PAQR5: variants seen among roughly 807,000 people sequenced by gnomAD.
PAQR5 encodes the protein progestin and adipoQ receptor family member 5.
In PAQR5, 20 loss-of-function variants were observed where a neutral mutation model predicts 34.5. That is an observed-to-expected ratio of 0.58 (90% CI 0.41 to 0.84). The LOEUF is 0.84. Ranked by LOEUF, PAQR5 falls within the 40% of genes least tolerant of loss-of-function variation. The pLI, the probability that PAQR5 is intolerant of heterozygous loss-of-function variation, is 0.00. For missense variants in PAQR5, 378 were observed against 412.7 expected, an observed-to-expected ratio of 0.92 and a Z score of 0.73; for synonymous variants, 131 against 155.6, an observed-to-expected ratio of 0.84 and a Z score of 1.18.
At chr15:69,378,264 T>TAAAAAAAAAAAAAAAA (rs71149912) in intron 3 of PAQR5, among the ~76,000 whole-genome samples, 4 of 59,684 alleles carry the variant, frequency 6.7e-5, no homozygotes, top group African/African-American at 3.4e-4. Flanking sequence ...GACTCCATCT[T>TAAAAAAAAAAAAAAAA]AAAAAAAAAA....
chr15:69,335,765 G>A (rs751049371), intron 1 of PAQR5, among the ~76,000 whole-genome samples: 2 of 151,834 alleles, frequency 1.3e-5, no homozygotes, highest in African/African-American at 2.4e-5. Flanking sequence ...CTGTGTGTCC[G>A]AATAACAGGG....
intron 1 of PAQR5, among the ~76,000 whole-genome samples, chr15:69,329,904 A>G (rs1490073057): frequency 6.6e-6 from 1 of 152,220 alleles, no homozygotes; most frequent in South Asian, 2.1e-4. Flanking sequence ...TACCACTGGC[A>G]TTGATTCAGG....
At chr15:69,347,356 C>T (rs1395418213) in intron 2 of PAQR5, among the ~76,000 whole-genome samples, 1 of 152,168 alleles carries the variant, frequency 6.6e-6, no homozygotes, top group African/African-American at 2.4e-5. Flanking sequence ...TATAAACATT[C>T]TGTATTTTCC....
At chr15:69,382,781 TATATATATATATATATG>T (rs2055939839) in intron 4 of PAQR5, 1 of 2,148 alleles carries the variant, frequency 4.7e-4, no homozygotes, top group African/African-American at 1.0e-3. Context: ...TGTGACCATA[TATATATATATATATATG>T]ACCATATATA....
intron 3 of PAQR5, among the ~76,000 whole-genome samples, chr15:69,364,680 C>T (rs1489374357): frequency 6.6e-6 from 1 of 151,230 alleles, no homozygotes; most frequent in African/African-American, 2.4e-5. Flanking sequence ...ATCTTTTCAT[C>T]TTTATCAGAT....
intron 3 of PAQR5, among the ~76,000 whole-genome samples, chr15:69,372,488 A>G (rs753945800): frequency 1.3e-5 from 2 of 152,182 alleles, no homozygotes; most frequent in Non-Finnish European, 2.9e-5. Context: ...GGTTGCAGTG[A>G]GCCAAGATCG....
Position 69,367,508 on chromosome 15 carries a change from A to G in PAQR5, c.51+7377A>G, listed in dbSNP as rs528731312. Among the ~76,000 whole-genome samples the G allele has an allele frequency of 3.3e-5, 5 of 152,282 alleles. No homozygotes were observed. In the South Asian group the frequency reaches 1.0e-3, roughly 32 times the overall value. On this transcript the variant is annotated intron_variant, in intron 3 of 8. Transcript: ENST00000395407. ...GCTAAGTGGTCAGTGAGGGACTGAG[A>G]CACCCAGGCAGCCATCTCCTGGCTG... is the stretch of plus-strand genomic sequence containing the variant.
Position 69,403,827 on chromosome 15 carries a change from G to A in PAQR5, c.*5G>A. 1 of 1,612,216 alleles carries A rather than the reference G, an allele frequency of 6.2e-7. No homozygotes were observed. Among genetic ancestry groups the A allele is most frequent in the South Asian group, 1.1e-5 (1 of 90,972 alleles). The stretch of plus-strand genomic sequence containing the variant: ...TTACATAAAAAAGAAACATGACTCA[G>A]ACCATAAGCTTTTCATGCCAGATGT... On this transcript the variant is annotated 3_prime_UTR_variant, in exon 9 of 9. Transcript: ENST00000395407.
Position 69,390,173 on chromosome 15 carries a change from G to A in PAQR5, c.512+393G>A, listed in dbSNP as rs1275213661. 4.6e-5 allele frequency among the ~76,000 whole-genome samples: 7 copies of A among 152,046 alleles called. No homozygotes were observed. In the East Asian group the frequency reaches 7.7e-4, roughly 17 times the overall value. ...TGGGATTACAGGCACCCGCCATCAC[G>A]CCCAGCTAATTTTTGTATTTTTAGT... On this transcript the variant is annotated intron_variant, in intron 6 of 8. Coordinates refer to ENST00000395407, the MANE Select transcript of PAQR5 (RefSeq NM_017705.4).
intron 1 of PAQR5, among the ~76,000 whole-genome samples, chr15:69,315,928 G>A (rs2053935967): frequency 6.6e-6 from 1 of 152,092 alleles, no homozygotes; most frequent in Admixed American, 6.5e-5. Context: ...CTTGGGTCAG[G>A]AGCTCAAGGC....
intron 1 of PAQR5, among the ~76,000 whole-genome samples, chr15:69,334,510 G>A (rs2054466672): frequency 6.6e-6 from 1 of 152,152 alleles, no homozygotes; most frequent in Non-Finnish European, 1.5e-5. Flanking sequence ...GGTAAGGCCT[G>A]GGGACATGTG....
intron 1 of PAQR5, among the ~76,000 whole-genome samples, chr15:69,313,045 A>T (rs1472712328): frequency 6.6e-6 from 1 of 152,182 alleles, no homozygotes; most frequent in Non-Finnish European, 1.5e-5. Context: ...TGGGGAAGTC[A>T]TCTCATATTC....
intron 1 of PAQR5, chr15:69,314,544 T>TC (rs1215076526): frequency 2.6e-5 from 4 of 152,112 alleles, no homozygotes; most frequent in Admixed American, 1.3e-4. Context: ...TCTGGACCAT[T>TC]CCCCCCCATG....
Position 69,300,940 on chromosome 15 carries a change from T to TTTCC in PAQR5, c.-277+1887_-277+1888insCTTC, listed in dbSNP as rs1491284886. 3.7e-3 allele frequency among the ~76,000 whole-genome samples: 132 copies of TTTCC among 35,536 alleles called. 20 individuals are homozygous for TTTCC. Among genetic ancestry groups the TTTCC allele is most frequent in the African/African-American group, 4.5e-3 (55 of 12,168 alleles). The allele number at this position is 35,536 out of a possible 152,430, so 23.3% of individuals were successfully genotyped here. A position where few individuals can be genotyped will look rare whatever the true frequency, so the allele number is the denominator to read the frequency against. Reference sequence around the variant, plus strand: ...TTCTCTCTCTCTCTCTCTCTCTCTCTTTCTTTCCTTCTTTCTTTCTTTCTT... The same window carrying TTTCC: ...TTCTCTCTCTCTCTCTCTCTCTCTCTTTCCTTCTTTCCTTCTTTCTTTCTTTCTT... On this transcript the variant is annotated intron_variant, in intron 1 of 8. Coordinates refer to ENST00000395407, the MANE Select transcript of PAQR5 (RefSeq NM_017705.4).
chr15:69,315,539 T>C (rs1225390616), intron 1 of PAQR5, among the ~76,000 whole-genome samples: 1 of 151,942 alleles, frequency 6.6e-6, no homozygotes, highest in African/African-American at 2.4e-5. Context: ...CTTTTCCACC[T>C]TCTTACCCAG....
chr15:69,357,584 A>G (rs1216765277), intron 2 of PAQR5, among the ~76,000 whole-genome samples: 1 of 152,142 alleles, frequency 6.6e-6, no homozygotes, highest in Admixed American at 6.6e-5. Flanking sequence ...CTTTATAGCA[A>G]TGCAAGAATG....
intron 2 of PAQR5, among the ~76,000 whole-genome samples, chr15:69,339,173 C>CCG (rs2054580827): frequency 1.4e-5 from 2 of 145,660 alleles, no homozygotes; most frequent in Non-Finnish European, 3.1e-5. Flanking sequence ...TGGCTACACC[C>CCG]CCCACCCCGC....
intron 1 of PAQR5, among the ~76,000 whole-genome samples, chr15:69,322,184 A>G (rs2054113292): frequency 7.0e-6 from 1 of 143,810 alleles, no homozygotes; most frequent in African/African-American, 2.7e-5. Context: ...AAAAAAATTA[A>G]AAACTAGCCA....
chr15:69,397,577 T>G lies in PAQR5; in HGVS notation c.609+13T>G. The G allele has an allele frequency of 6.6e-7, 1 of 1,522,960 alleles. No homozygotes were observed. The highest frequency in any genetic ancestry group is 1.1e-5 in the South Asian group (1 of 89,224). The allele number at this position is 1,522,960 out of a possible 1,614,324, so 94.3% of individuals were successfully genotyped here. On this transcript the variant is annotated intron_variant, in intron 7 of 8. Coordinates refer to ENST00000395407, the MANE Select transcript of PAQR5 (RefSeq NM_017705.4). ...CATCTTCTACAGGGTAAGGACTGGCTGCATCTCCTCTCTGCCTGTTGGCAA... is the reference window on the plus strand; with the variant it reads ...CATCTTCTACAGGGTAAGGACTGGCGGCATCTCCTCTCTGCCTGTTGGCAA...
Sources: allele counts gnomAD v4.1 joint callset (sites outside exome capture counted in the v4.1 genomes callset), GRCh38; gene constraint gnomAD v4.1.1; transcripts MANE v1.5; gene names NCBI Gene and HGNC (gene_info 2026-07-23, HGNC 2026-07-21).